The following COL23A1 variants were observed in gnomAD, a reference collection of about 807,000 sequenced individuals.
The protein encoded by COL23A1 is collagen type XXIII alpha 1 chain.
In COL23A1, 97 loss-of-function variants were observed where a neutral mutation model predicts 99.3. The observed-to-expected ratio is 0.98, with a 90% CI of 0.83 to 1.16. COL23A1 has a LOEUF of 1.16. Among genes scored for constraint, COL23A1 ranks in the 50% most tolerant of loss-of-function variants. The probability of loss-of-function intolerance (pLI) is 0.00; values close to 1 mark genes in which losing one functional copy is unlikely to be tolerated. For synonymous variants in COL23A1, 320 were observed against 308.2 expected, an observed-to-expected ratio of 1.04 and a Z score of -0.40; for missense variants, 762 against 757.4, an observed-to-expected ratio of 1.01 and a Z score of -0.07.
intron 2 of COL23A1, among the ~76,000 whole-genome samples, chr5:178,436,928 T>C (rs1285803251): frequency 6.6e-6 from 1 of 152,216 alleles, no homozygotes; most frequent in Non-Finnish European, 1.5e-5. Flanking sequence ...CGACCTGGCC[T>C]GCACAATTGA....
chr5:178,450,217 G>A (rs1767406795), intron 2 of COL23A1, among the ~76,000 whole-genome samples: 1 of 152,108 alleles, frequency 6.6e-6, no homozygotes, highest in African/African-American at 2.4e-5. Flanking sequence ...TCGTTTCCAG[G>A]TGCTAAGCAG....
chr5:178,345,592 C>G (rs534987660), intron 2 of COL23A1, among the ~76,000 whole-genome samples: 6 of 152,042 alleles, frequency 3.9e-5, no homozygotes, highest in African/African-American at 1.4e-4. Context: ...TCTCGACTCA[C>G]TGCAAGCTCC....
At chr5:178,358,506 T>C (rs900140586) in intron 2 of COL23A1, among the ~76,000 whole-genome samples, 28 of 119,116 alleles carry the variant, frequency 2.4e-4, no homozygotes, top group Non-Finnish European at 2.4e-4. Flanking sequence ...TGCGTGTATA[T>C]GTGTGTATGT....
In COL23A1 at chr5:178,293,359, G is replaced by A. The variant is rs376987966; in HGVS notation, c.407-2990C>T. Among the ~76,000 whole-genome samples, 264 of 152,156 alleles carry A rather than the reference G, an allele frequency of 1.7e-3. 2 individuals are homozygous for A. The highest frequency in any genetic ancestry group is 6.1e-3 in the African/African-American group (252 of 41,544). On this transcript the variant is annotated intron_variant, in intron 3 of 28. Coordinates refer to ENST00000390654, the MANE Select transcript of COL23A1 (RefSeq NM_173465.4). ...GGAGATGGCAGGAGGAAGAGTGCCT[G>A]GTGCTGCTAGGCATGTGCCATGGAG...
At chr5:178,417,424 C>T (rs1239047023) in intron 2 of COL23A1, among the ~76,000 whole-genome samples, 1 of 152,174 alleles carries the variant, frequency 6.6e-6, no homozygotes, top group Non-Finnish European at 1.5e-5. Flanking sequence ...GGTAAAGAAT[C>T]TGACCTCTTT....
chr5:178,253,608 G>A (rs1375817103), intron 16 of COL23A1, among the ~76,000 whole-genome samples: 2 of 151,448 alleles, frequency 1.3e-5, no homozygotes, highest in East Asian at 2.0e-4. Context: ...TCAGCCTCCC[G>A]AGTAGCTGAG....
intron 2 of COL23A1, among the ~76,000 whole-genome samples, chr5:178,522,981 C>T (rs1424518731): frequency 6.6e-6 from 1 of 151,542 alleles, no homozygotes; most frequent in African/African-American, 2.4e-5. Flanking sequence ...CTGGCCCAGC[C>T]TCCCATCTAT....
At chr5:178,470,170 G>T (rs1756663479) in intron 2 of COL23A1, among the ~76,000 whole-genome samples, 2 of 152,186 alleles carry the variant, frequency 1.3e-5, no homozygotes, top group African/African-American at 4.8e-5. Context: ...CAAAGTCCTG[G>T]TTGGTCAACA....
At chr5:178,319,565 C>T (rs1759172223) in intron 2 of COL23A1, among the ~76,000 whole-genome samples, 1 of 152,246 alleles carries the variant, frequency 6.6e-6, no homozygotes, top group African/African-American at 2.4e-5. Flanking sequence ...TTGGCAGGCA[C>T]TTGCCAGGAG....
intron 13 of COL23A1, 134 bp downstream of exon 13, chr5:178,257,389 C>T: frequency 9.5e-7 from 1 of 1,054,736 alleles, no homozygotes; most frequent in East Asian, 2.6e-5. Flanking sequence ...CCTTCCTCTG[C>T]CTCTCTCCGG....
At chr5:178,311,931 A>G (rs1287326179) in intron 2 of COL23A1, among the ~76,000 whole-genome samples, 2 of 151,690 alleles carry the variant, frequency 1.3e-5, no homozygotes, top group Non-Finnish European at 2.9e-5. Flanking sequence ...GAGTTTCACC[A>G]TGTTGGCCAG....
chr5:178,258,220 TG>T (rs1400966381), intron 12 of COL23A1, among the ~76,000 whole-genome samples: 3 of 139,066 alleles, frequency 2.2e-5, no homozygotes, highest in Non-Finnish European at 4.7e-5. Context: ...GGTGACAGAG[TG>T]AGATCCTGTC....
chr5:178,299,639 A>G (rs1456020287), intron 3 of COL23A1, among the ~76,000 whole-genome samples: 1 of 141,314 alleles, frequency 7.1e-6, no homozygotes, highest in Non-Finnish European at 1.6e-5. Flanking sequence ...TCTATTTTCC[A>G]TTTCATTTCT....
intron 1 of COL23A1, among the ~76,000 whole-genome samples, chr5:178,585,853 C>T (rs1162829876): frequency 2.0e-5 from 3 of 152,356 alleles, no homozygotes; most frequent in East Asian, 3.9e-4. Flanking sequence ...TCAAGATTGG[C>T]CAAAGCCTCC....
In COL23A1 at chr5:178,468,637, G is replaced by C. The variant is rs1458540819; in HGVS notation, c.361+92045C>G. Among the ~76,000 whole-genome samples, 1 of 152,182 alleles carries C rather than the reference G, an allele frequency of 6.6e-6. No homozygotes were observed. The highest frequency in any genetic ancestry group is 2.4e-5 in the African/African-American group (1 of 41,444). On this transcript the variant is annotated intron_variant, in intron 2 of 28. Transcript: ENST00000390654. The surrounding 1 kb of genome is among the most constrained non-coding windows in gnomAD (Gnocchi z 4.2). The stretch of plus-strand genomic sequence containing the variant: ...GTCCCCCCAGGCAGCCTGGAGGGAA[G>C]GGCCGGGTCCGAGGTCACGGAGCCT...
intron 8 of COL23A1, chr5:178,265,644 A>T (rs1755845179): frequency 1.0e-6 from 1 of 984,626 alleles, no homozygotes; most frequent in South Asian, 4.7e-5. Context: ...ACCCCCACTC[A>T]GCCAGTCTAC....
chr5:178,447,474 C>T (rs1767225870), intron 2 of COL23A1, among the ~76,000 whole-genome samples: 1 of 152,194 alleles, frequency 6.6e-6, no homozygotes, highest in East Asian at 1.9e-4. Flanking sequence ...ATTTTTACTG[C>T]ACTTTTTCTA....
At chr5:178,563,250 G>A (rs1339299785) in intron 1 of COL23A1, among the ~76,000 whole-genome samples, 2 of 152,100 alleles carry the variant, frequency 1.3e-5, no homozygotes, top group Admixed American at 6.5e-5. Flanking sequence ...CTGCTGCTTT[G>A]GATGGAGCTG....
intron 5 of COL23A1, among the ~76,000 whole-genome samples, chr5:178,278,434 G>T (rs1756709355): frequency 6.6e-6 from 1 of 152,212 alleles, no homozygotes; most frequent in South Asian, 2.1e-4. Flanking sequence ...AGCTTCTCTG[G>T]AAATGTTGGA....
Sources: gnomAD v4.1 joint callset for allele counts (sites outside exome capture counted in the v4.1 genomes callset) on GRCh38, gnomAD v4.1.1 for gene constraint, Gnocchi (gnomAD v3.1) non-coding constraint, MANE v1.5 for transcripts, NCBI Gene and HGNC (gene_info 2026-07-23, HGNC 2026-07-21) for gene names.